The following FBXW10B variants were observed in gnomAD, a reference collection of about 807,000 sequenced individuals.
FBXW10B encodes F-box and WD repeat domain containing 10B, also known as F-box and WD repeat domain containing protein 10B.
the FBXW10B span, chr17:15,607,656 G>C: frequency 2.2e-5 from 36 of 1,613,578 alleles, no homozygotes; most frequent in Non-Finnish European, 3.0e-5. Context: ...TCCTCGTTCT[G>C]GTATGCAGTC....
At chr17:15,576,432 G>A in the FBXW10B span, among the ~76,000 whole-genome samples, 1 of 152,180 alleles carries the variant, frequency 6.6e-6, no homozygotes, top group Non-Finnish European at 1.5e-5. Context: ...AGGCAGCCCA[G>A]AAATATGTGT....
chr17:15,609,852 C>CTTT, the FBXW10B span, among the ~76,000 whole-genome samples: 6,375 of 103,188 alleles, frequency 0.062, 386 homozygotes, highest in African/African-American at 0.074. Context: ...TTCTTTCTTT[C>CTTT]TTTTTTTTTT....
chr17:15,594,872 C>T, the FBXW10B span: 2 of 1,612,270 alleles, frequency 1.2e-6, no homozygotes, highest in Admixed American at 1.7e-5. Context: ...TTCACAGCTC[C>T]CTCGTGGCCA....
At chr17:15,565,951 A>T in the FBXW10B span, 3 of 1,589,516 alleles carry the variant, frequency 1.9e-6, no homozygotes, top group South Asian at 3.3e-5. Flanking sequence ...CCTGGAGCGG[A>T]TAATCATGGG....
chr17:15,595,079 T>C, the FBXW10B span: 51 of 358,642 alleles, frequency 1.4e-4, 1 homozygote, highest in South Asian at 4.2e-3. Flanking sequence ...CGGTGGCTCA[T>C]GCCTGTAATC....
the FBXW10B span, chr17:15,588,705 A>G: frequency 1.5e-6 from 1 of 666,772 alleles, no homozygotes; most frequent in African/African-American, 1.8e-5. Flanking sequence ...TGTTTCATAA[A>G]GAGGATTCCC....
At chr17:15,573,991 T>G in the FBXW10B span, 1 of 591,344 alleles carries the variant, frequency 1.7e-6, no homozygotes, top group Non-Finnish European at 3.0e-6. Flanking sequence ...TTAGTTATGT[T>G]GATTGCTTGT....
At chr17:15,565,580 G>C in the FBXW10B span, 4 of 1,614,030 alleles carry the variant, frequency 2.5e-6, no homozygotes, top group Middle Eastern at 1.6e-4. Flanking sequence ...GTTTTCCCTT[G>C]CTTCGTGAAA....
the FBXW10B span, among the ~76,000 whole-genome samples, chr17:15,569,729 C>T: frequency 6.6e-6 from 1 of 151,788 alleles, no homozygotes; most frequent in African/African-American, 2.4e-5. Flanking sequence ...GCCAACACAC[C>T]CAGCTAATTT....
At chr17:15,619,418 C>T in the FBXW10B span, 14 of 1,613,780 alleles carry the variant, frequency 8.7e-6, no homozygotes, top group Admixed American at 3.3e-5. Flanking sequence ...GGCTAAGACA[C>T]GCGTCTCACA....
chr17:15,619,073 T>C, the FBXW10B span: 7 of 1,613,794 alleles, frequency 4.3e-6, no homozygotes, highest in African/African-American at 5.3e-5. Flanking sequence ...GAGCAGTAAT[T>C]TGGGGTTGCA....
chr17:15,589,018 G>A, the FBXW10B span: 27 of 1,610,894 alleles, frequency 1.7e-5, no homozygotes, highest in South Asian at 2.0e-4. Flanking sequence ...CACATGGGTC[G>A]GAGCTGTGGT....
chr17:15,590,022 A>G, the FBXW10B span, among the ~76,000 whole-genome samples: 164 of 152,268 alleles, frequency 1.1e-3, no homozygotes, highest in African/African-American at 3.8e-3. Flanking sequence ...CCAGAGCCCC[A>G]TCCACGTGGG....
the FBXW10B span, among the ~76,000 whole-genome samples, chr17:15,601,049 CAAAAA>C: frequency 7.1e-5 from 2 of 28,258 alleles, no homozygotes; most frequent in South Asian, 6.8e-3. Context: ...GACTCCATCT[CAAAAA>C]AAAAAAAAAA....
the FBXW10B span, chr17:15,596,478 T>C: frequency 1.3e-6 from 2 of 1,516,976 alleles, no homozygotes; most frequent in East Asian, 2.3e-5. Context: ...TCCTCCCCAG[T>C]GCCCTTTCCG....
chr17:15,569,152 C>T, the FBXW10B span: 1 of 730,424 alleles, frequency 1.4e-6, no homozygotes, highest in Non-Finnish European at 1.9e-6. Flanking sequence ...TGTGTAGATA[C>T]TCAGTAGTGG....
chr17:15,608,966 C>T, the FBXW10B span, among the ~76,000 whole-genome samples: 1 of 151,420 alleles, frequency 6.6e-6, no homozygotes, highest in East Asian at 2.0e-4. Flanking sequence ...GCCTGCCTGC[C>T]TTCATTCGTC....
chr17:15,610,881 G>A, the FBXW10B span, among the ~76,000 whole-genome samples: 65 of 152,262 alleles, frequency 4.3e-4, no homozygotes, highest in Admixed American at 6.5e-4. Flanking sequence ...GCAGGTCCAC[G>A]TTCAAATGAA....
At chr17:15,606,397 T>C in the FBXW10B span, among the ~76,000 whole-genome samples, 1 of 147,288 alleles carries the variant, frequency 6.8e-6, no homozygotes, top group Non-Finnish European at 1.5e-5. Flanking sequence ...CGTGGTGGCA[T>C]GTGCCTATAG....
Sources: gnomAD v4.1 joint callset for allele counts (sites outside exome capture counted in the v4.1 genomes callset) on GRCh38, gnomAD v4.1.1 for gene constraint, MANE v1.5 for transcripts, NCBI Gene and HGNC (gene_info 2026-07-23, HGNC 2026-07-21) for gene names.